DAZAP1: variants seen among roughly 807,000 people sequenced by gnomAD.
The protein encoded by DAZAP1 is DAZ associated protein 1, also known as DAZ-associated protein 1.
A neutral mutation model predicts 60.1 loss-of-function variants in DAZAP1; 6 were observed. The ratio of observed to expected loss-of-function variants is 0.10; its 90% CI spans 0.05 to 0.20. The LOEUF (loss-of-function observed/expected upper bound fraction) is 0.20, where lower values mean the gene tolerates loss of function less well. Ranked by LOEUF, DAZAP1 falls within the 10% of genes least tolerant of loss-of-function variation. The probability of loss-of-function intolerance (pLI) is 1.00; values close to 1 mark genes in which losing one functional copy is unlikely to be tolerated. For missense variants in DAZAP1, 366 were observed against 560.4 expected, an observed-to-expected ratio of 0.65 and a Z score of 3.50; for synonymous variants, 235 against 215.9, an observed-to-expected ratio of 1.09 and a Z score of -0.78.
chr19:1,412,879 G>GCAC (rs975431676), intron 1 of DAZAP1, among the ~76,000 whole-genome samples: 23 of 152,342 alleles, frequency 1.5e-4, no homozygotes, highest in African/African-American at 5.5e-4. Context: ...TGGGCAGACT[G>GCAC]CACGCTGGAC....
Position 1,432,755 on chromosome 19 carries a change from T to C in DAZAP1, c.1048+65T>C. ...AGGACCCTGGGCACGGCCTGCCTTC[T>C]TCTGCTTCCTCCCCTGCTGGACGCT... On this transcript the variant is annotated intron_variant, in intron 11 of 11. Coordinates refer to ENST00000233078, the MANE Select transcript of DAZAP1 (RefSeq NM_018959.4). The surrounding 1 kb of genome is among the most constrained non-coding windows in gnomAD (Gnocchi z 4.9). The C allele has an allele frequency of 6.7e-7, 1 of 1,497,216 alleles. No homozygotes were observed. The highest frequency in any genetic ancestry group is 9.0e-7 in the Non-Finnish European group (1 of 1,109,766). The allele number at this position is 1,497,216 out of a possible 1,614,324, so 92.7% of individuals were successfully genotyped here.
At chr19:1,421,492 C>T (rs2083154479) in intron 5 of DAZAP1, among the ~76,000 whole-genome samples, 1 of 152,278 alleles carries the variant, frequency 6.6e-6, no homozygotes, top group African/African-American at 2.4e-5. Flanking sequence ...ACCAGCCTGA[C>T]AGCCTTCAGG....
chr19:1,426,298 C>T lies in DAZAP1; in HGVS notation c.546+338C>T, dbSNP rs918845700. On this transcript the variant is annotated intron_variant, in intron 7 of 11. Coordinates refer to ENST00000233078, the MANE Select transcript of DAZAP1 (RefSeq NM_018959.4). This position sits in a 1 kb window ranked among gnomAD's most constrained non-coding sequence, Gnocchi z 5.4. ...AGCGTTGCCTCAGGCTTGGTTTCCACGACCACTCCTTCAGATGTCTGCAAA... is the reference window on the plus strand; with the variant it reads ...AGCGTTGCCTCAGGCTTGGTTTCCATGACCACTCCTTCAGATGTCTGCAAA... 7.1e-5 allele frequency: 24 copies of T among 336,304 alleles called. No individual in the cohort carries two copies. The highest frequency in any genetic ancestry group is 1.7e-4 in the Admixed American group (4 of 22,902). The allele number at this position is 336,304 out of a possible 1,614,324, so 20.8% of individuals were successfully genotyped here. A position where few individuals can be genotyped will look rare whatever the true frequency, so the allele number is the denominator to read the frequency against.
In DAZAP1 at chr19:1,434,582, C is replaced by T. The variant is rs1039117643; in HGVS notation, c.1049-155C>T. On this transcript the variant is annotated intron_variant, in intron 11 of 11. Transcript: ENST00000233078. This position sits in a 1 kb window ranked among gnomAD's most constrained non-coding sequence, Gnocchi z 8.0. ...GAGAACATGCCCGGGGTCCTCTCCC[C>T]GGCCCAGGTGCTGGCCTCAGAAGGG... The T allele has an allele frequency of 1.9e-5, 13 of 668,160 alleles. No individual in the cohort carries two copies. Among genetic ancestry groups the T allele is most frequent in the South Asian group, 5.7e-5 (3 of 52,190 alleles). 41.4% of individuals were successfully genotyped at this position (668,160 alleles called of 1,614,324 possible). A position where few individuals can be genotyped will look rare whatever the true frequency, so the allele number is the denominator to read the frequency against.
At position 1,434,460 on chromosome 19, in the gene DAZAP1, G is replaced by T; in HGVS notation, c.1049-277G>T. ...CCCTCACCCCCCCAACCACGTCTTC[G>T]GGATTGAACAGGGAAGCGGTGAGGT... On this transcript the variant is annotated intron_variant, in intron 11 of 11. Coordinates refer to ENST00000233078, the MANE Select transcript of DAZAP1 (RefSeq NM_018959.4). This position sits in a 1 kb window ranked among gnomAD's most constrained non-coding sequence, Gnocchi z 8.0. 2.6e-6 allele frequency: 1 copy of T among 388,474 alleles called. No homozygotes were observed. Among genetic ancestry groups the T allele is most frequent in the Non-Finnish European group, 4.7e-6 (1 of 213,912 alleles). 24.1% of individuals were successfully genotyped at this position (388,474 alleles called of 1,614,324 possible).
intron 1 of DAZAP1, among the ~76,000 whole-genome samples, chr19:1,413,035 C>T (rs2082873540): frequency 6.6e-6 from 1 of 152,204 alleles, no homozygotes; most frequent in Non-Finnish European, 1.5e-5. Context: ...GACTCTCCCA[C>T]CCAGCGGGCC....
chr19:1,414,806 A>AT (rs2082928216), intron 1 of DAZAP1, among the ~76,000 whole-genome samples: 1 of 151,644 alleles, frequency 6.6e-6, no homozygotes, highest in Non-Finnish European at 1.5e-5. Flanking sequence ...TTTTAATTTT[A>AT]TTTAAGAGTA....
At chr19:1,415,876 C>T (rs3786982) in intron 1 of DAZAP1, 6,146 of 152,254 alleles carry the variant, frequency 0.04, 164 homozygotes, top group Middle Eastern at 0.085. Flanking sequence ...CCCTCCCCAC[C>T]GAAGAACGGG....
Position 1,429,007 on chromosome 19 carries a change from G to A in DAZAP1, c.700+12G>A. 1 of 1,569,676 alleles carries A rather than the reference G, an allele frequency of 6.4e-7. No individual in the cohort carries two copies. Among genetic ancestry groups the A allele is most frequent in the Non-Finnish European group, 8.6e-7 (1 of 1,158,910 alleles). The stretch of plus-strand genomic sequence containing the variant: ...ATATGGCCCGCAAGGTAAGGCTGAT[G>A]CAGAGGTGCCCACGGGAATGTCCCC... On this transcript the variant is annotated intron_variant, in intron 8 of 11. Coordinates refer to ENST00000233078, the MANE Select transcript of DAZAP1 (RefSeq NM_018959.4).
rs200024778 is a variant in DAZAP1 at position 1,432,563 on chromosome 19, G to A, written c.921G>A (p.Pro307=). ...CACCGCCAGATCAGTTTGCCCCTCC[G>A]GGGGTTCCTCCTCCACCAGCCACTC... ...PPPPPDQFAP[P]GVPPPPATPG... is the part of the protein sequence containing the mutation. Residue 307 remains proline (P), a synonymous_variant, in exon 11 of 12, where the codon CCG becomes CCA. Coordinates refer to ENST00000233078, the MANE Select transcript of DAZAP1 (RefSeq NM_018959.4). This position sits in a 1 kb window ranked among gnomAD's most constrained non-coding sequence, Gnocchi z 4.9. The A allele has an allele frequency of 2.1e-4, 338 of 1,613,610 alleles. 6 individuals carry two copies. The South Asian group carries it at 3.3e-3, about 16-fold the overall frequency.
In DAZAP1 at chr19:1,425,451, C is replaced by T. The variant is rs1239165272; in HGVS notation, c.464-427C>T. ...CTGCAGGGTTCACTGGCAATCTCCC[C>T]ACAGGCGAGAGCCAGAATATTCAAG... On this transcript the variant is annotated intron_variant, in intron 6 of 11. Coordinates refer to ENST00000233078, the MANE Select transcript of DAZAP1 (RefSeq NM_018959.4). This position sits in a 1 kb window ranked among gnomAD's most constrained non-coding sequence, Gnocchi z 5.4. Among the ~76,000 whole-genome samples, 1 of 152,240 alleles carries T rather than the reference C, an allele frequency of 6.6e-6. No homozygotes were observed.
At chr19:1,429,138 C>T (rs2083377686) in intron 8 of DAZAP1, 143 bp downstream of exon 8, 20 of 1,146,944 alleles carry the variant, frequency 1.7e-5, no homozygotes, top group South Asian at 7.3e-5. Context: ...TGAGCCCCCG[C>T]GAGGTGCCGG....
At position 1,423,927 on chromosome 19, in the gene DAZAP1, C is replaced by T. The variant is rs2083232204; in HGVS notation, c.463+1531C>T. On this transcript the variant is annotated intron_variant, in intron 6 of 11. Coordinates refer to ENST00000233078, the MANE Select transcript of DAZAP1 (RefSeq NM_018959.4). This position sits in a 1 kb window ranked among gnomAD's most constrained non-coding sequence, Gnocchi z 6.8. ...TCGGGGCCAGCACGTGGCCACATGT[C>T]CTTAGCTGTTGGGCTTTGAAAGTGT... Among the ~76,000 whole-genome samples the T allele has an allele frequency of 6.6e-6, 1 of 152,358 alleles. No homozygotes were observed. The highest frequency in any genetic ancestry group is 2.1e-4 in the South Asian group (1 of 4,830).
chr19:1,411,840 A>G (rs917709209), intron 1 of DAZAP1, among the ~76,000 whole-genome samples: 5 of 152,208 alleles, frequency 3.3e-5, no homozygotes, highest in East Asian at 1.9e-4. Context: ...TCAGGCGGCT[A>G]TGTTCATGGT....
At chr19:1,430,726 T>G (rs1477290579) in intron 10 of DAZAP1, among the ~76,000 whole-genome samples, 1 of 151,764 alleles carries the variant, frequency 6.6e-6, no homozygotes, top group Non-Finnish European at 1.5e-5. Context: ...CTAATTGTTT[T>G]TTTTTTTTTT....
chr19:1,434,875 A>G lies in DAZAP1; in HGVS notation c.1187A>G (p.Asn396Ser). 6.3e-7 allele frequency: 1 copy of G among 1,589,230 alleles called. No homozygotes were observed. Among genetic ancestry groups the G allele is most frequent in the Non-Finnish European group, 8.6e-7 (1 of 1,168,556 alleles). The change falls in exon 12 of 12, where the codon AAC becomes AGC. Residue 396 changes from asparagine (N) to serine (S), a missense_variant. Physicochemically the swap from Asn to Ser is conservative, Grantham distance 46. Transcript: ENST00000233078. This position sits in a 1 kb window ranked among gnomAD's most constrained non-coding sequence, Gnocchi z 8.0. ...AGGSGFGRGQ[N>S]HNVQGFHPYR... Reference sequence around the variant, plus strand: ...GGCAGCGGCTTTGGACGAGGGCAGAACCACAACGTGCAAGGGTTCCACCCC... The same window carrying G: ...GGCAGCGGCTTTGGACGAGGGCAGAGCCACAACGTGCAAGGGTTCCACCCC...
chr19:1,418,446 C>G lies in DAZAP1; in HGVS notation c.237+76C>G, dbSNP rs1199824480. 11 of 1,561,692 alleles carry G rather than the reference C, an allele frequency of 7.0e-6. No individual in the cohort carries two copies. Among genetic ancestry groups the G allele is most frequent in the African/African-American group, 1.4e-5 (1 of 73,712 alleles). On this transcript the variant is annotated intron_variant, in intron 3 of 11. Transcript: ENST00000233078. The surrounding 1 kb of genome is among the most constrained non-coding windows in gnomAD (Gnocchi z 5.7). ...CCTCTGCTTCATTTTTTCCTGGACT[C>G]TGACCGATGTTTGCGTTAGAGTATG...
intron 1 of DAZAP1, among the ~76,000 whole-genome samples, chr19:1,414,054 C>T (rs2082905593): frequency 6.6e-6 from 1 of 150,838 alleles, no homozygotes; most frequent in Admixed American, 6.6e-5. Flanking sequence ...CTCACTCTGT[C>T]GCCCAGGCTG....
At chr19:1,429,896 C>T (rs1202913010) in intron 8 of DAZAP1, 71 bp from the exon 9 acceptor site, 10 of 1,545,240 alleles carry the variant, frequency 6.5e-6, no homozygotes, top group African/African-American at 1.4e-5. Flanking sequence ...CGTCCATGCT[C>T]TGCGGCTCCT....
Sources: allele counts gnomAD v4.1 joint callset (sites outside exome capture counted in the v4.1 genomes callset), GRCh38; gene constraint gnomAD v4.1.1; non-coding constraint Gnocchi (gnomAD v3.1); transcripts MANE v1.5; gene names NCBI Gene and HGNC (gene_info 2026-07-23, HGNC 2026-07-21).